APBA2: variants seen among roughly 807,000 people sequenced by gnomAD.
The protein encoded by APBA2 is amyloid-beta A4 precursor protein-binding family A member 2.
In APBA2, 30 loss-of-function variants were observed where a neutral mutation model predicts 75.0. The observed-to-expected ratio is 0.40, with a 90% CI of 0.30 to 0.54. The LOEUF is 0.54. Among genes scored for constraint, APBA2 ranks in the 20% least tolerant of loss-of-function variants. The pLI, the probability that APBA2 is intolerant of heterozygous loss-of-function variation, is 0.49. For missense variants in APBA2, 801 were observed against 1,016.1 expected (o/e 0.79, Z 2.88); for synonymous variants, 444 against 409.6 (o/e 1.08, Z -1.01).
chr15:29,114,704 G>GCA (rs1491400077), intron 14 of APBA2, among the ~76,000 whole-genome samples: 2 of 43,514 alleles, frequency 4.6e-5, no homozygotes, highest in Non-Finnish European at 1.4e-4. Flanking sequence ...ATGAGTGTGT[G>GCA]CGTGCACGTG....
Position 29,113,949 on chromosome 15 carries a change from A to G in APBA2, c.2111A>G (p.Asn704Ser), listed in dbSNP as rs1321126475. The part of the protein sequence containing the change: ...VRVGHRIIEI[N>S]GQSVVATAHE... ...GTGGGCCACCGCATCATCGAGATCA[A>G]CGGGCAGAGCGTGGTGGCCACAGCC... The change falls in exon 14 of 15, where the codon AAC becomes AGC. Residue 704 changes from asparagine to serine, a missense_variant. By Grantham distance (46) the Asn-to-Ser change is conservative. Transcript: ENST00000683413. The G allele has an allele frequency of 1.9e-6, 3 of 1,613,532 alleles. No homozygotes were observed. The highest frequency in any genetic ancestry group is 2.5e-6 in the Non-Finnish European group (3 of 1,180,038).
intron 2 of APBA2, among the ~76,000 whole-genome samples, chr15:28,945,800 G>C (rs763088546): frequency 1.4e-3 from 211 of 152,220 alleles, no homozygotes; most frequent in African/African-American, 5.0e-3. Context: ...AGGCGGTGCC[G>C]CTCCTTACAT....
intron 12 of APBA2, among the ~76,000 whole-genome samples, chr15:29,107,807 G>A (rs561841811): frequency 8.5e-5 from 13 of 152,312 alleles, no homozygotes; most frequent in Non-Finnish European, 1.8e-4. Context: ...TTTGCTGTGT[G>A]GTCACTCCCT....
rs533735897 is a variant in APBA2, at chr15:29,093,115, C to T, written c.1110C>T (p.Ile370=). 11 of 1,614,274 alleles carry T rather than the reference C, an allele frequency of 6.8e-6. No homozygotes were observed. The South Asian group carries it at 1.2e-4, about 18-fold the overall frequency. Residue 370 remains isoleucine (I), a synonymous_variant, in exon 7 of 15, where the codon ATC becomes ATT. Transcript: ENST00000683413. The part of the protein sequence containing the change: ...PCEPEDLIDG[I]IFAANYLGST... The stretch of plus-strand genomic sequence containing the variant: ...AACCAGAAGACCTCATCGACGGGAT[C>T]ATCTTTGCTGCCAATTACCTGGGGT...
chr15:28,904,103 T>A (rs1219449138), intron 1 of APBA2, among the ~76,000 whole-genome samples: 5 of 152,206 alleles, frequency 3.3e-5, no homozygotes, highest in Admixed American at 2.0e-4. Flanking sequence ...TAAAAAACAT[T>A]ATTTTTAGTT....
chr15:28,930,052 A>C (rs1251313993), intron 2 of APBA2, among the ~76,000 whole-genome samples: 1 of 152,152 alleles, frequency 6.6e-6, no homozygotes. Flanking sequence ...ACAGGTAGGA[A>C]AAGGTGGAAG....
chr15:29,109,445 G>A (rs2044614408), intron 13 of APBA2, among the ~76,000 whole-genome samples: 2 of 152,174 alleles, frequency 1.3e-5, no homozygotes, highest in Admixed American at 1.3e-4. Context: ...TGGGGGCGGT[G>A]GGGGTGAGCT....
At chr15:29,111,369 G>C (rs2044720561) in intron 13 of APBA2, among the ~76,000 whole-genome samples, 1 of 152,096 alleles carries the variant, frequency 6.6e-6, no homozygotes, top group Non-Finnish European at 1.5e-5. Flanking sequence ...CAGTGCTCAG[G>C]ATGCAGGGGA....
chr15:29,071,418 C>T lies in APBA2; in HGVS notation c.952-3503C>T, dbSNP rs77691627. Among the ~76,000 whole-genome samples the T allele has an allele frequency of 8.0e-3, 1,220 of 151,804 alleles. 22 individuals carry two copies. Among genetic ancestry groups the T allele is most frequent in the African/African-American group, 0.028 (1,178 of 41,350 alleles). Reference sequence around the variant, plus strand: ...ATTCTCATGCTGTGCCTGCCGCCTTCTCCGAGTGATGGCTGATGTGGGTTT... The same window carrying T: ...ATTCTCATGCTGTGCCTGCCGCCTTTTCCGAGTGATGGCTGATGTGGGTTT... On this transcript the variant is annotated intron_variant, in intron 4 of 14. Transcript: ENST00000683413.
chr15:28,996,182 A>G (rs2038508414), intron 3 of APBA2, among the ~76,000 whole-genome samples: 1 of 152,190 alleles, frequency 6.6e-6, no homozygotes, highest in African/African-American at 2.4e-5. Flanking sequence ...CTAGGTTCCT[A>G]GTTACAGCGA....
rs1290633622 is a variant in APBA2, at chr15:28,914,706, C to T, written c.-204-6934C>T. Among the ~76,000 whole-genome samples the T allele has an allele frequency of 1.8e-4, 28 of 152,120 alleles. No homozygotes were observed. In the East Asian group the frequency reaches 5.0e-3, roughly 27 times the overall value. On this transcript the variant is annotated intron_variant, in intron 1 of 14. Coordinates refer to ENST00000683413, the MANE Select transcript of APBA2 (RefSeq NM_001353788.2). ...TCTTCCCCAGGATTCCTGGGCTGCA[C>T]GACCCTGATCAGCCCCTTTGTGAGA...
At chr15:28,910,895 G>C (rs1219250317) in intron 1 of APBA2, among the ~76,000 whole-genome samples, 2 of 152,142 alleles carry the variant, frequency 1.3e-5, no homozygotes, top group Non-Finnish European at 2.9e-5. Flanking sequence ...AATATTTAGA[G>C]TTTCAGGGCC....
chr15:29,082,607 G>A (rs994756676), intron 6 of APBA2, among the ~76,000 whole-genome samples: 3 of 152,134 alleles, frequency 2.0e-5, no homozygotes, highest in East Asian at 1.9e-4. Flanking sequence ...TACTGTAAAA[G>A]TTTACCCCAG....
In APBA2 at chr15:29,108,193, C is replaced by T. The variant is rs2044532456; in HGVS notation, c.1918-77C>T. 6 of 1,604,658 alleles carry T rather than the reference C, an allele frequency of 3.7e-6. No homozygotes were observed. The South Asian group carries it at 4.4e-5, about 12-fold the overall frequency. On this transcript the variant is annotated intron_variant, in intron 12 of 14. Coordinates refer to ENST00000683413, the MANE Select transcript of APBA2 (RefSeq NM_001353788.2). The stretch of plus-strand genomic sequence containing the variant: ...TCTCACTGCCCCCGGCCTCCACCAC[C>T]CTGCCAGCCTCGCTCATCCTGGGTC...
At chr15:28,904,597 T>G (rs140230494) in intron 1 of APBA2, among the ~76,000 whole-genome samples, 180 of 152,310 alleles carry the variant, frequency 1.2e-3, no homozygotes, top group African/African-American at 4.2e-3. Context: ...TCTTCCTTCC[T>G]TTTCCCTCTT....
intron 2 of APBA2, among the ~76,000 whole-genome samples, chr15:28,974,319 C>T (rs921787602): frequency 1.3e-5 from 2 of 152,174 alleles, no homozygotes; most frequent in African/African-American, 2.4e-5. Flanking sequence ...CACATAACAT[C>T]ACCAGAACCT....
intron 3 of APBA2, 115 bp from the exon 4 acceptor site, chr15:29,053,730 T>A: frequency 1.5e-6 from 1 of 652,818 alleles, no homozygotes; most frequent in Non-Finnish European, 2.7e-6. Context: ...TGAACAGATG[T>A]GCCCTCACAT....
At chr15:28,925,849 A>G (rs1001088732) in intron 2 of APBA2, among the ~76,000 whole-genome samples, 23 of 152,108 alleles carry the variant, frequency 1.5e-4, no homozygotes, top group Non-Finnish European at 2.9e-4. Context: ...ATATATTTCA[A>G]TTATCTGTTG....
intron 2 of APBA2, among the ~76,000 whole-genome samples, chr15:28,993,177 C>G (rs57383781): frequency 1.3e-5 from 2 of 152,140 alleles, no homozygotes; most frequent in Non-Finnish European, 2.9e-5. Flanking sequence ...GGCTCACTTA[C>G]GACTCAGAGT....
Sources: allele counts gnomAD v4.1 joint callset (sites outside exome capture counted in the v4.1 genomes callset), GRCh38; gene constraint gnomAD v4.1.1; transcripts MANE v1.5; gene names NCBI Gene and HGNC (gene_info 2026-07-23, HGNC 2026-07-21).